The following PSMA1 variants were observed in gnomAD, a reference collection of about 807,000 sequenced individuals.
The protein encoded by PSMA1 is proteasome 20S subunit alpha 1, also known as proteasome subunit alpha type-1.
Under a neutral mutation model 38.4 loss-of-function variants are expected in PSMA1, and 3 were observed. That is an observed-to-expected ratio of 0.08 (90% CI 0.04 to 0.20). PSMA1 has a LOEUF of 0.20. Among genes scored for constraint, PSMA1 ranks in the 10% least tolerant of loss-of-function variants. PSMA1 has a pLI of 1.00. For missense variants in PSMA1, 227 were observed against 325.3 expected (o/e 0.70, Z 2.32); for synonymous variants, 101 against 107.1 (o/e 0.94, Z 0.35).
intron 2 of PSMA1, among the ~76,000 whole-genome samples, chr11:14,543,380 C>T (rs1474958756): frequency 6.6e-6 from 1 of 152,084 alleles, no homozygotes; most frequent in Non-Finnish European, 1.5e-5. Flanking sequence ...GCAGTGGCTT[C>T]TTTTGTCTTT....
intron 2 of PSMA1, among the ~76,000 whole-genome samples, chr11:14,572,505 A>C (rs558317416): frequency 6.6e-6 from 1 of 152,352 alleles, no homozygotes; most frequent in African/African-American, 2.4e-5. Context: ...TCTGGGACAC[A>C]TTTAAAGCAG....
chr11:14,552,595 T>C (rs1259846965), intron 2 of PSMA1, among the ~76,000 whole-genome samples: 3 of 152,136 alleles, frequency 2.0e-5, no homozygotes, highest in Non-Finnish European at 4.4e-5. Flanking sequence ...TTAACAACTC[T>C]TGAAAATATG....
At chr11:14,507,168 GTGTT>G (rs1229604170) in intron 9 of PSMA1, among the ~76,000 whole-genome samples, 2 of 151,570 alleles carry the variant, frequency 1.3e-5, no homozygotes, top group East Asian at 1.9e-4. Context: ...CTCCCTTTTT[GTGTT>G]TGTTTTTTTT....
chr11:14,562,835 G>A (rs1647908704), intron 2 of PSMA1, among the ~76,000 whole-genome samples: 1 of 152,022 alleles, frequency 6.6e-6, no homozygotes, highest in Admixed American at 6.6e-5. Context: ...GCCTCCCAAA[G>A]TGCTGGGATT....
chr11:14,587,313 G>A (rs985267402), intron 2 of PSMA1, among the ~76,000 whole-genome samples: 2 of 152,122 alleles, frequency 1.3e-5, no homozygotes, highest in South Asian at 2.1e-4. Context: ...GGAATCTGGC[G>A]GTGTCCCTCT....
chr11:14,572,986 A>C (rs1353825097), intron 2 of PSMA1, among the ~76,000 whole-genome samples: 1 of 152,232 alleles, frequency 6.6e-6, no homozygotes, highest in Non-Finnish European at 1.5e-5. Context: ...ATCTCTGAAT[A>C]GACCAATAAC....
chr11:14,637,352 A>AT (rs1239192460), intron 1 of PSMA1, among the ~76,000 whole-genome samples: 1 of 152,144 alleles, frequency 6.6e-6, no homozygotes, highest in East Asian at 1.9e-4. Context: ...GAACTACTCC[A>AT]TGTCCTATCA....
intron 2 of PSMA1, among the ~76,000 whole-genome samples, chr11:14,560,285 C>T (rs982870110): frequency 2.6e-5 from 4 of 152,106 alleles, no homozygotes; most frequent in Non-Finnish European, 5.9e-5. Flanking sequence ...TGGTTAGACT[C>T]TTTTTTCTGG....
intron 2 of PSMA1, among the ~76,000 whole-genome samples, chr11:14,575,956 C>G (rs924308483): frequency 6.6e-6 from 1 of 152,184 alleles, no homozygotes; most frequent in African/African-American, 2.4e-5. Context: ...ACCATTCTAA[C>G]TGGTGTGAGA....
At chr11:14,566,430 G>C (rs1163191930) in intron 2 of PSMA1, among the ~76,000 whole-genome samples, 2 of 152,088 alleles carry the variant, frequency 1.3e-5, no homozygotes, top group Non-Finnish European at 2.9e-5. Flanking sequence ...AAAGAGAAGG[G>C]TCTGGATAAC....
chr11:14,572,102 C>G (rs1483440587), intron 2 of PSMA1, among the ~76,000 whole-genome samples: 2 of 152,110 alleles, frequency 1.3e-5, no homozygotes, highest in Admixed American at 6.6e-5. Flanking sequence ...TTAGACAGAT[C>G]AACGAAACAG....
At chr11:14,607,405 G>A (rs1334986859) in intron 2 of PSMA1, among the ~76,000 whole-genome samples, 2 of 152,100 alleles carry the variant, frequency 1.3e-5, no homozygotes, top group Non-Finnish European at 2.9e-5. Flanking sequence ...ATGCTCTGTG[G>A]GTCCTCCTGG....
intron 1 of PSMA1, among the ~76,000 whole-genome samples, chr11:14,637,151 C>G (rs1853121362): frequency 1.3e-5 from 2 of 152,140 alleles, no homozygotes; most frequent in African/African-American, 4.8e-5. Flanking sequence ...TCTATCCAGT[C>G]TCATTTTCCC....
At position 14,519,166 on chromosome 11, in the gene PSMA1, C is replaced by T; in HGVS notation, c.4-125G>A. 3.7e-6 allele frequency: 3 copies of T among 803,966 alleles called. 1 individual carries two copies. The highest frequency in any genetic ancestry group is 2.9e-5 in the South Asian group (2 of 69,804). The allele number at this position is 803,966 out of a possible 1,614,324, so 49.8% of individuals were successfully genotyped here. ...AAGGCACTCTGTTCATGCAGTCTTA[C>T]TGGAAGATTACTACTGTACTCAGAT... On this transcript the variant is annotated intron_variant, in intron 1 of 9. Coordinates refer to ENST00000396394, the MANE Select transcript of PSMA1 (RefSeq NM_002786.4).
At chr11:14,589,421 A>G (rs907329933) in intron 2 of PSMA1, among the ~76,000 whole-genome samples, 2 of 150,156 alleles carry the variant, frequency 1.3e-5, no homozygotes, top group Non-Finnish European at 3.0e-5. Flanking sequence ...GTGTATATAT[A>G]TGTGTGTATA....
chr11:14,597,777 T>C (rs1192668167), intron 2 of PSMA1, among the ~76,000 whole-genome samples: 1 of 152,218 alleles, frequency 6.6e-6, no homozygotes, highest in East Asian at 1.9e-4. Flanking sequence ...TAGTTATTTC[T>C]TGCCTTCTGC....
chr11:14,573,156 C>A (rs1440682617), intron 2 of PSMA1, among the ~76,000 whole-genome samples: 1 of 152,178 alleles, frequency 6.6e-6, no homozygotes, highest in Non-Finnish European at 1.5e-5. Flanking sequence ...CTCCCTAACT[C>A]ATTTTATGAG....
At chr11:14,533,911 T>C (rs1195643125) in intron 2 of PSMA1, among the ~76,000 whole-genome samples, 1 of 151,684 alleles carries the variant, frequency 6.6e-6, no homozygotes, top group Non-Finnish European at 1.5e-5. Context: ...CTGGGCGCAG[T>C]GGCTCATGCC....
intron 2 of PSMA1, chr11:14,610,848 T>C: frequency 9.9e-7 from 1 of 1,008,846 alleles, no homozygotes; most frequent in South Asian, 1.6e-5. Flanking sequence ...TTTTGTTTTC[T>C]AGCCTAGAGA....
Sources: allele counts gnomAD v4.1 joint callset (sites outside exome capture counted in the v4.1 genomes callset), GRCh38; gene constraint gnomAD v4.1.1; transcripts MANE v1.5; gene names NCBI Gene and HGNC (gene_info 2026-07-23, HGNC 2026-07-21).